LYST: variants seen among roughly 807,000 people sequenced by gnomAD.
LYST encodes lysosomal trafficking regulator.
LYST carries 192 observed loss-of-function variants against 413.6 expected under a neutral mutation model. The ratio of observed to expected loss-of-function variants is 0.46; its 90% confidence interval spans 0.41 to 0.52. The LOEUF is 0.52. Among genes scored for constraint, LYST ranks in the 20% least tolerant of loss-of-function variants. The pLI is 0.00. For missense variants in LYST, 3,815 were observed against 4,499.9 expected, an observed-to-expected ratio of 0.85 and a Z score of 4.35; for synonymous variants, 1,525 against 1,567.3, an observed-to-expected ratio of 0.97 and a Z score of 0.64.
rs115418888 is a variant in LYST, at chr1:235,739,673, T to C, written c.8358+1749A>G. ...GTTGACAAGGGAAAGTTCTTCCCTATAGTAAAGTCAGAGCTTATAGATGCT... is the reference window on the plus strand; with the variant it reads ...GTTGACAAGGGAAAGTTCTTCCCTACAGTAAAGTCAGAGCTTATAGATGCT... On this transcript the variant is annotated intron_variant, in intron 31 of 52. Transcript: ENST00000389793. 3.0e-3 allele frequency among the ~76,000 whole-genome samples: 459 copies of C among 151,242 alleles called. 2 individuals carry two copies. The highest frequency in any genetic ancestry group is 0.01 in the African/African-American group (429 of 41,108).
rs1036912814 is a variant in LYST, at chr1:235,757,183, G to C, written c.7059+98C>G. On this transcript the variant is annotated intron_variant, in intron 24 of 52. Transcript: ENST00000389793. ...GTTCATTATTCTAAAATATAAAAGA[G>C]AGATTTAGGTCTACTTTAATGTATA... is the stretch of plus-strand genomic sequence containing the variant. The C allele has an allele frequency of 9.6e-6, 7 of 725,414 alleles. No homozygotes were observed. In the East Asian group the frequency reaches 1.7e-4, roughly 17 times the overall value. 44.9% of individuals were successfully genotyped at this position (725,414 alleles called of 1,614,324 possible). A position where few individuals can be genotyped will look rare whatever the true frequency, so the allele number is the denominator to read the frequency against.
intron 46 of LYST, among the ~76,000 whole-genome samples, chr1:235,695,235 G>C (rs1458554751): frequency 1.3e-5 from 2 of 152,204 alleles, no homozygotes; most frequent in African/African-American, 4.8e-5. Context: ...AAATTACCCT[G>C]TGAGGTAAAT....
At chr1:235,712,243 T>G (rs954307623) in intron 42 of LYST, 46 bp from the exon 43 acceptor site, 1 of 1,339,678 alleles carries the variant, frequency 7.5e-7, no homozygotes, top group Non-Finnish European at 1.0e-6. Flanking sequence ...AAGACCTAAT[T>G]CTATTTGAGG....
intron 3 of LYST, among the ~76,000 whole-genome samples, chr1:235,813,711 T>C (rs1255791067): frequency 6.6e-6 from 1 of 152,184 alleles, no homozygotes; most frequent in East Asian, 1.9e-4. Flanking sequence ...TATGAGTAAG[T>C]ATCCAGGGGT....
chr1:235,865,313 C>T (rs1360284234), intron 1 of LYST, among the ~76,000 whole-genome samples: 1 of 152,028 alleles, frequency 6.6e-6, no homozygotes, highest in African/African-American at 2.4e-5. Context: ...GTTCCCTGCC[C>T]TCCCTCTTCC....
intron 47 of LYST, among the ~76,000 whole-genome samples, chr1:235,692,948 G>C (rs1660785741): frequency 1.3e-5 from 2 of 151,942 alleles, no homozygotes; most frequent in Admixed American, 1.3e-4. Flanking sequence ...TTGAGTCTGG[G>C]AGGTGGAGGG....
chr1:235,745,131 T>C (rs1421256712), intron 29 of LYST, among the ~76,000 whole-genome samples: 1 of 152,178 alleles, frequency 6.6e-6, no homozygotes, highest in Non-Finnish European at 1.5e-5. Context: ...TGTATATAAT[T>C]AAGGTGTTTT....
intron 50 of LYST, among the ~76,000 whole-genome samples, chr1:235,676,137 A>T (rs1286594558): frequency 6.6e-6 from 1 of 151,986 alleles, no homozygotes; most frequent in African/African-American, 2.4e-5. Flanking sequence ...ACAACAAAAC[A>T]CTCTTGATTA....
At position 235,736,432 on chromosome 1, in the gene LYST, GGAGA is replaced by G. The variant is rs375979256; in HGVS notation, c.8359-1777_8359-1774del. 11 of 152,282 alleles carry G rather than the reference GGAGA, an allele frequency of 7.2e-5. No individual in the cohort carries two copies. The East Asian group carries it at 1.9e-3, about 27-fold the overall frequency. 9.4% of individuals were successfully genotyped at this position (152,282 alleles called of 1,614,324 possible). ...TAGAATGAGGATATAGATAGACAAA[GGAGA>G]GAGAGGTGTTCTGTGCTGGTGGACA... On this transcript the variant is annotated intron_variant, in intron 31 of 52. Transcript: ENST00000389793.
Position 235,664,161 on chromosome 1 carries a change from A to G in LYST, c.11196-106T>C. 1.1e-6 allele frequency: 1 copy of G among 948,402 alleles called. No individual in the cohort carries two copies. The allele number at this position is 948,402 out of a possible 1,614,324, so 58.7% of individuals were successfully genotyped here. On this transcript the variant is annotated intron_variant, in intron 51 of 52. Transcript: ENST00000389793. The surrounding 1 kb of genome is among the most constrained non-coding windows in gnomAD (Gnocchi z 4.5). ...AAAATCATGTGGAAGGAAATGTAACAAACAATTAACAGTAGTTCCCTCTAG... is the reference window on the plus strand; with the variant it reads ...AAAATCATGTGGAAGGAAATGTAACGAACAATTAACAGTAGTTCCCTCTAG...
At chr1:235,748,861 A>G (rs888170421) in intron 28 of LYST, among the ~76,000 whole-genome samples, 2 of 152,166 alleles carry the variant, frequency 1.3e-5, no homozygotes, top group African/African-American at 4.8e-5. Flanking sequence ...GTCTATTATC[A>G]GAGTCTGGTG....
At chr1:235,685,787 A>T (rs1660168020) in intron 48 of LYST, among the ~76,000 whole-genome samples, 1 of 151,570 alleles carries the variant, frequency 6.6e-6, no homozygotes, top group Admixed American at 6.6e-5. Flanking sequence ...CAGAGATTGC[A>T]TTGAGCCAAG....
intron 40 of LYST, among the ~76,000 whole-genome samples, chr1:235,717,542 C>G (rs995723580): frequency 3.9e-5 from 6 of 152,084 alleles, no homozygotes; most frequent in Non-Finnish European, 8.8e-5. Context: ...AAAGAAAAAG[C>G]TCTGATGAAG....
At chr1:235,724,602 G>C (rs562958068) in intron 38 of LYST, among the ~76,000 whole-genome samples, 1 of 151,350 alleles carries the variant, frequency 6.6e-6, no homozygotes, top group East Asian at 1.9e-4. Flanking sequence ...CATGGGTTTT[G>C]ACAAATGTAT....
At chr1:235,786,829 C>T (rs763080785) in intron 14 of LYST, among the ~76,000 whole-genome samples, 53 of 142,160 alleles carry the variant, frequency 3.7e-4, no homozygotes, top group Non-Finnish European at 5.5e-4. Flanking sequence ...TGTTCTCACT[C>T]ATAGGTGGGA....
intron 45 of LYST, among the ~76,000 whole-genome samples, chr1:235,702,100 C>T (rs2103099686): frequency 6.6e-6 from 1 of 152,340 alleles, no homozygotes; most frequent in East Asian, 1.9e-4. Flanking sequence ...CTTCTGCAAA[C>T]CCTTACAGTG....
intron 13 of LYST, among the ~76,000 whole-genome samples, chr1:235,788,312 A>G (rs1039023991): frequency 1.3e-5 from 2 of 152,044 alleles, no homozygotes; most frequent in East Asian, 1.9e-4. Context: ...GGCATGCACC[A>G]TCATGCCTGG....
Position 235,753,153 on chromosome 1 carries a change from G to T in LYST, c.7351C>A (p.Leu2451Ile). ...NILLHNALLL[L>I]LQILNSCSKV... ...GAACAAGAATTTAAAATTTGGAGAA[G>T]AAGTAAAAGAGCATTATGCAAGAGT... is the stretch of plus-strand genomic sequence containing the variant. Residue 2451 changes from leucine to isoleucine, a missense_variant, in exon 26 of 53, where the codon CTT (leucine) becomes ATT (isoleucine). Transcript: ENST00000389793. The T allele has an allele frequency of 6.2e-7, 1 of 1,606,250 alleles. No individual in the cohort carries two copies. The highest frequency in any genetic ancestry group is 8.5e-7 in the Non-Finnish European group (1 of 1,173,122).
chr1:235,741,400 T>C lies in LYST; in HGVS notation c.8358+22A>G, dbSNP rs1165311898. ...TATTTCACCAAACGTTTTACTTCTC[T>C]TATCAAAGCTGAGATACTTACTTGT... On this transcript the variant is annotated intron_variant, in intron 31 of 52. Coordinates refer to ENST00000389793, the MANE Select transcript of LYST (RefSeq NM_000081.4). 3 of 1,580,662 alleles carry C rather than the reference T, an allele frequency of 1.9e-6. No homozygotes were observed. The South Asian group carries it at 3.3e-5, about 17-fold the overall frequency.
Sources: gnomAD v4.1 joint callset for allele counts (sites outside exome capture counted in the v4.1 genomes callset) on GRCh38, gnomAD v4.1.1 for gene constraint, Gnocchi (gnomAD v3.1) non-coding constraint, MANE v1.5 for transcripts, NCBI Gene and HGNC (gene_info 2026-07-23, HGNC 2026-07-21) for gene names.